Variants in KAZN observed in about 807,000 individuals in gnomAD.
KAZN encodes the protein kazrin.
KAZN carries 40 observed loss-of-function variants against 87.4 expected under a neutral mutation model. The ratio of observed to expected loss-of-function variants is 0.46; its 90% CI spans 0.36 to 0.60. KAZN has a LOEUF of 0.60. KAZN is among the 20% of genes least tolerant of loss of function. The pLI is 0.00. For missense variants in KAZN, 898 were observed against 1,073.9 expected, an observed-to-expected ratio of 0.84 and a Z score of 2.29; for synonymous variants, 466 against 458.3, an observed-to-expected ratio of 1.02 and a Z score of -0.22.
rs546226439 is a variant in KAZN, at chr1:13,911,193, T to G, written c.91+17437T>G. ...CCTCCCAAGCAACTGGAGTTACAGGTGCTCACCACCACGCCTGTCTCATTT... is the reference window on the plus strand; with the variant it reads ...CCTCCCAAGCAACTGGAGTTACAGGGGCTCACCACCACGCCTGTCTCATTT... On this transcript the variant is annotated intron_variant, in intron 1 of 16. Coordinates refer to the KAZN transcript ENST00000636203. Among the ~76,000 whole-genome samples, 4 of 152,238 alleles carry G rather than the reference T, an allele frequency of 2.6e-5. 1 individual carries two copies. Among genetic ancestry groups the G allele is most frequent in the South Asian group, 2.1e-4 (1 of 4,814 alleles).
At chr1:14,336,614 C>G (rs1657290104) in intron 2 of KAZN, among the ~76,000 whole-genome samples, 1 of 152,200 alleles carries the variant, frequency 6.6e-6, no homozygotes, top group Non-Finnish European at 1.5e-5. Context: ...ACCTCCTCAT[C>G]AACACTTGTT....
At chr1:14,008,750 A>G (rs906549972) in intron 1 of KAZN, among the ~76,000 whole-genome samples, 9 of 152,190 alleles carry the variant, frequency 5.9e-5, no homozygotes, top group African/African-American at 2.2e-4. Context: ...TAAGTGCTAC[A>G]CATATATTCA....
chr1:14,109,823 GT>G (rs1185413583), intron 1 of KAZN, among the ~76,000 whole-genome samples: 1 of 81,242 alleles, frequency 1.2e-5, no homozygotes, highest in Admixed American at 1.2e-4. Context: ...CGATTTCAGC[GT>G]CAAGTAGGAG....
At chr1:14,718,692 A>G (rs1642936083) in intron 1 of KAZN, among the ~76,000 whole-genome samples, 1 of 152,204 alleles carries the variant, frequency 6.6e-6, no homozygotes, top group Non-Finnish European at 1.5e-5. Flanking sequence ...AGGACCTCAC[A>G]TGGCGAATGT....
chr1:13,933,080 T>C (rs915985108), intron 1 of KAZN, among the ~76,000 whole-genome samples: 2 of 152,208 alleles, frequency 1.3e-5, no homozygotes, highest in African/African-American at 4.8e-5. Context: ...ACCAGCATTG[T>C]ACATGACTAT....
intron 1 of KAZN, among the ~76,000 whole-genome samples, chr1:14,832,865 A>G (rs1028235557): frequency 9.2e-5 from 14 of 152,240 alleles, no homozygotes; most frequent in Admixed American, 9.2e-4. Flanking sequence ...TTCACGTTTC[A>G]GTGTCCATAA....
chr1:14,843,088 T>C (rs529291578), intron 1 of KAZN, among the ~76,000 whole-genome samples: 3 of 152,330 alleles, frequency 2.0e-5, no homozygotes, highest in Admixed American at 6.5e-5. Context: ...TCACATTTCC[T>C]AGTTTCAGTG....
chr1:14,202,556 A>G (rs1442289290), intron 2 of KAZN, among the ~76,000 whole-genome samples: 5 of 152,120 alleles, frequency 3.3e-5, no homozygotes, highest in Non-Finnish European at 7.4e-5. Context: ...GGAACTACTC[A>G]CTTGCTAGGT....
At chr1:14,423,727 T>C (rs557431433) in intron 2 of KAZN, among the ~76,000 whole-genome samples, 15 of 152,330 alleles carry the variant, frequency 9.8e-5, no homozygotes, top group African/African-American at 2.6e-4. Flanking sequence ...GTGGCTCAGA[T>C]GGAACTTCCC....
intron 2 of KAZN, among the ~76,000 whole-genome samples, chr1:14,469,582 A>T (rs923045384): frequency 6.6e-6 from 1 of 152,346 alleles, no homozygotes; most frequent in Admixed American, 6.5e-5. Context: ...TGCCAGAGGC[A>T]TTATTTTGCC....
chr1:14,664,424 C>T (rs1196427860), intron 1 of KAZN, among the ~76,000 whole-genome samples: 1 of 152,158 alleles, frequency 6.6e-6, no homozygotes, highest in East Asian at 1.9e-4. Context: ...CAGAGTGAGA[C>T]TCTGCCTCAA....
chr1:14,019,316 T>C (rs1425461038), intron 1 of KAZN, among the ~76,000 whole-genome samples: 1 of 152,120 alleles, frequency 6.6e-6, no homozygotes, highest in Non-Finnish European at 1.5e-5. Flanking sequence ...ATGAGAAAGC[T>C]ATATATCAAG....
chr1:14,053,785 A>G (rs1404671529), intron 1 of KAZN, among the ~76,000 whole-genome samples: 1 of 152,218 alleles, frequency 6.6e-6, no homozygotes, highest in East Asian at 1.9e-4. Flanking sequence ...ACATCCATGC[A>G]TAACTTTTGA....
chr1:14,013,534 G>A (rs980959051), intron 1 of KAZN, among the ~76,000 whole-genome samples: 1 of 152,138 alleles, frequency 6.6e-6, no homozygotes, highest in Non-Finnish European at 1.5e-5. Context: ...CACTGTCAGA[G>A]GATGGTCATG....
At chr1:14,363,460 A>C (rs963494063) in intron 2 of KAZN, among the ~76,000 whole-genome samples, 4 of 152,298 alleles carry the variant, frequency 2.6e-5, no homozygotes, top group African/African-American at 9.6e-5. Flanking sequence ...CAGACTTCAT[A>C]GTTTCTCATT....
Position 14,940,898 on chromosome 1 carries a change from C to CTTTTTTTTT in KAZN, c.227-19763_227-19755dup, listed in dbSNP as rs66777443. Among the ~76,000 whole-genome samples, 8 of 54,404 alleles carry CTTTTTTTTT rather than the reference C, an allele frequency of 1.5e-4. 2 individuals are homozygous for CTTTTTTTTT. The highest frequency in any genetic ancestry group is 6.7e-4 in the African/African-American group (8 of 12,018). The allele number at this position is 54,404 out of a possible 152,430, so 35.7% of individuals were successfully genotyped here. ...ACCAGACAGATGTCATTCTACCTTT[C>CTTTTTTTTT]TTTTTTTTTTTTTTTTTTTTTTTTT... On this transcript the variant is annotated intron_variant, in intron 1 of 14. Transcript: ENST00000376030.
intron 2 of KAZN, among the ~76,000 whole-genome samples, chr1:14,587,447 GA>G (rs59612903): frequency 0.2 from 26,180 of 127,786 alleles, 2,409 homozygotes; most frequent in East Asian, 0.35. Context: ...AAAAAAAAAA[GA>G]AAAAAAAAAA....
rs1029285301 is a variant in KAZN, at chr1:15,077,630, C to A, written c.1222+11877C>A. Among the ~76,000 whole-genome samples the A allele has an allele frequency of 3.3e-5, 5 of 152,150 alleles. No homozygotes were observed. The highest frequency in any genetic ancestry group is 7.3e-5 in the Non-Finnish European group (5 of 68,038). On this transcript the variant is annotated intron_variant, in intron 8 of 14. Transcript: ENST00000376030. This position sits in a 1 kb window ranked among gnomAD's most constrained non-coding sequence, Gnocchi z 4.8. ...CTCAGTTGTTTTTTATAGTCACTACCGGAGTCTCTGGGACTCAGAGATGGG... is the reference window on the plus strand; with the variant it reads ...CTCAGTTGTTTTTTATAGTCACTACAGGAGTCTCTGGGACTCAGAGATGGG...
intron 2 of KAZN, among the ~76,000 whole-genome samples, chr1:14,480,053 T>C (rs979556570): frequency 1.3e-5 from 2 of 152,192 alleles, no homozygotes; most frequent in African/African-American, 4.8e-5. Context: ...AATCCTGACA[T>C]GACTTGGGGC....
Sources: gnomAD v4.1 joint callset for allele counts (sites outside exome capture counted in the v4.1 genomes callset) on GRCh38, gnomAD v4.1.1 for gene constraint, Gnocchi (gnomAD v3.1) non-coding constraint, MANE v1.5 for transcripts, NCBI Gene and HGNC (gene_info 2026-07-23, HGNC 2026-07-21) for gene names.